The following SLC30A9 variants were observed in gnomAD, a reference collection of about 807,000 sequenced individuals.
The protein encoded by SLC30A9 is proton-coupled zinc antiporter SLC30A9, mitochondrial.
A neutral mutation model predicts 87.5 loss-of-function variants in SLC30A9; 58 were observed. The observed-to-expected ratio is 0.66, with a 90% confidence interval of 0.54 to 0.82. The LOEUF is 0.82. Among genes scored for constraint, SLC30A9 ranks in the 40% least tolerant of loss-of-function variants. The pLI is 0.00. For synonymous variants in SLC30A9, 234 were observed against 233.0 expected, an observed-to-expected ratio of 1.00 and a Z score of -0.04; for missense variants, 557 against 679.1, an observed-to-expected ratio of 0.82 and a Z score of 2.00.
chr4:42,008,466 T>G (rs1358545109), intron 2 of SLC30A9, among the ~76,000 whole-genome samples: 2 of 152,146 alleles, frequency 1.3e-5, no homozygotes, highest in Non-Finnish European at 2.9e-5. Context: ...TATTTATAAG[T>G]GAGTGAATGC....
At chr4:42,040,795 C>CAAA (rs755795146) in intron 8 of SLC30A9, among the ~76,000 whole-genome samples, 1 of 8,370 alleles carries the variant, frequency 1.2e-4, no homozygotes, top group Admixed American at 1.2e-3. Flanking sequence ...GACTCTGTCT[C>CAAA]AAAAAAAAAA....
intron 7 of SLC30A9, among the ~76,000 whole-genome samples, chr4:42,036,808 G>A (rs923382968): frequency 2.0e-5 from 3 of 152,092 alleles, no homozygotes; most frequent in Admixed American, 6.5e-5. Flanking sequence ...CTCTCCTCTG[G>A]TAGAGCCTTC....
At chr4:41,992,053 G>A (rs1714467236) in intron 1 of SLC30A9, among the ~76,000 whole-genome samples, 2 of 152,086 alleles carry the variant, frequency 1.3e-5, no homozygotes, top group Admixed American at 1.3e-4. Context: ...TGAATCATCG[G>A]CTGGGTGCAG....
At chr4:42,050,957 C>CAAAAA (rs953627580) in intron 9 of SLC30A9, among the ~76,000 whole-genome samples, 2 of 152,122 alleles carry the variant, frequency 1.3e-5, no homozygotes, top group African/African-American at 2.4e-5. Context: ...GCTACAAGGA[C>CAAAAA]AAAAAGCTAT....
chr4:42,009,946 G>C (rs183767698), intron 2 of SLC30A9, among the ~76,000 whole-genome samples: 10 of 152,292 alleles, frequency 6.6e-5, no homozygotes, highest in Admixed American at 2.0e-4. Context: ...AAGCTAAATT[G>C]TAAGAAATGG....
intron 3 of SLC30A9, among the ~76,000 whole-genome samples, chr4:42,019,281 T>C (rs948261632): frequency 1.3e-5 from 2 of 152,184 alleles, no homozygotes; most frequent in Non-Finnish European, 2.9e-5. Flanking sequence ...CTCTTGCACT[T>C]CAGGTATTTG....
intron 1 of SLC30A9, among the ~76,000 whole-genome samples, chr4:42,000,071 T>TC (rs1377283613): frequency 6.6e-6 from 1 of 152,084 alleles, no homozygotes; most frequent in South Asian, 2.1e-4. Flanking sequence ...TGCATACGTT[T>TC]GAGATTTTCT....
chr4:42,068,278 T>G (rs1044587925), intron 14 of SLC30A9, among the ~76,000 whole-genome samples: 24 of 150,886 alleles, frequency 1.6e-4, no homozygotes, highest in Non-Finnish European at 3.2e-4. Context: ...AGTTTTGCTC[T>G]TGTTGCCCAG....
chr4:42,037,971 C>T (rs756573161), intron 7 of SLC30A9, among the ~76,000 whole-genome samples: 2 of 151,916 alleles, frequency 1.3e-5, no homozygotes, highest in African/African-American at 2.4e-5. Flanking sequence ...GGGGTTTTAC[C>T]ATGTTGTCCA....
chr4:41,998,359 C>T (rs1197129523), intron 1 of SLC30A9, among the ~76,000 whole-genome samples: 4 of 151,792 alleles, frequency 2.6e-5, no homozygotes, highest in African/African-American at 7.3e-5. Flanking sequence ...GTAAAGACTT[C>T]GATATGTAGC....
chr4:42,076,904 G>A (rs545904986), intron 16 of SLC30A9, among the ~76,000 whole-genome samples: 7 of 148,834 alleles, frequency 4.7e-5, no homozygotes, highest in African/African-American at 1.7e-4. Flanking sequence ...GGAGGTTGCA[G>A]TGAGCCTAGA....
rs1560561303 is a variant in SLC30A9, at chr4:42,075,727, G to A, written c.1489G>A (p.Asp497Asn). The change falls in exon 16 of 18, where the codon GAT becomes AAT. Residue 497 changes from aspartate (D) to asparagine (N), a missense_variant. By Grantham distance (23) the Asp-to-Asn change is conservative. This residue lies in a region of SLC30A9 where 90 missense variants were observed against 149.4 expected (regional missense o/e 0.60). Coordinates refer to ENST00000264451, the MANE Select transcript of SLC30A9 (RefSeq NM_006345.4). ...AAGATTTAAGGCAGAAGTAGATTTT[G>A]ATGGGCGAGTTGTTACAAGATCATA... ...KVRFKAEVDFDGRVVTRSYLE... is the reference protein window; with the variant it reads ...KVRFKAEVDFNGRVVTRSYLE... The A allele has an allele frequency of 1.2e-6, 2 of 1,613,362 alleles. No homozygotes were observed. Among genetic ancestry groups the A allele is most frequent in the Non-Finnish European group, 1.7e-6 (2 of 1,179,468 alleles).
intron 9 of SLC30A9, among the ~76,000 whole-genome samples, chr4:42,059,362 G>A (rs563374606): frequency 3.4e-4 from 51 of 152,148 alleles, no homozygotes; most frequent in Non-Finnish European, 6.6e-4. Flanking sequence ...GACTTACTAG[G>A]GACAAGCATA....
chr4:41,997,676 A>G (rs1447191982), intron 1 of SLC30A9, among the ~76,000 whole-genome samples: 8 of 152,214 alleles, frequency 5.3e-5, no homozygotes, highest in Admixed American at 2.0e-4. Context: ...TTCTTCTATT[A>G]GGGAACATTT....
chr4:42,084,793 C>T (rs552933217), intron 17 of SLC30A9, among the ~76,000 whole-genome samples: 1 of 152,298 alleles, frequency 6.6e-6, no homozygotes, highest in Admixed American at 6.5e-5. Context: ...TTTGTGCACT[C>T]ACAGGAAAAA....
chr4:42,053,734 T>C (rs567768479), intron 9 of SLC30A9, among the ~76,000 whole-genome samples: 1 of 137,478 alleles, frequency 7.3e-6, no homozygotes, highest in East Asian at 2.0e-4. Context: ...AGGAATGTTA[T>C]AGCAGCTTTA....
Position 42,022,946 on chromosome 4 carries a change from TTTCAGAATA to T in SLC30A9, c.527+17_527+25del. The T allele has an allele frequency of 6.9e-7, 1 of 1,449,922 alleles. No homozygotes were observed. The highest frequency in any genetic ancestry group is 9.4e-7 in the Non-Finnish European group (1 of 1,062,632). 89.8% of individuals were successfully genotyped at this position (1,449,922 alleles called of 1,614,324 possible). On this transcript the variant is annotated intron_variant, in intron 5 of 17. Coordinates refer to ENST00000264451, the MANE Select transcript of SLC30A9 (RefSeq NM_006345.4). ...TGGAAGCAAAGTAAGAACATAGTTC[TTTCAGAATA>T]AAAGTGCAAACCAAATTTTGGATTA...
intron 8 of SLC30A9, among the ~76,000 whole-genome samples, chr4:42,041,031 G>A (rs757109800): frequency 6.6e-6 from 1 of 152,130 alleles, no homozygotes. Context: ...GGAGGAGCAA[G>A]TTATGTCTTA....
At chr4:42,066,737 C>A (rs1348160555) in intron 13 of SLC30A9, 116 bp downstream of exon 13, 1 of 622,762 alleles carries the variant, frequency 1.6e-6, no homozygotes, top group South Asian at 2.4e-5. Context: ...GAATATCATC[C>A]CTGTGTGGCT....
Sources: gnomAD v4.1 joint callset for allele counts (sites outside exome capture counted in the v4.1 genomes callset) on GRCh38, gnomAD v4.1.1 for gene constraint, gnomAD v4.1.1 regional missense constraint, MANE v1.5 for transcripts, NCBI Gene and HGNC (gene_info 2026-07-23, HGNC 2026-07-21) for gene names.